TAFA4: variants seen among roughly 807,000 people sequenced by gnomAD.
The protein encoded by TAFA4 is chemokine-like protein TAFA-4.
In TAFA4, 20 loss-of-function variants were observed where a neutral mutation model predicts 21.1. The ratio of observed to expected loss-of-function variants is 0.95; its 90% CI spans 0.67 to 1.38. TAFA4 has a LOEUF of 1.38. TAFA4 is among the 40% of genes most tolerant of loss of function. TAFA4 has a pLI of 0.00. For missense variants in TAFA4, 211 were observed against 180.9 expected (o/e 1.17, Z -0.95); for synonymous variants, 71 against 67.4 (o/e 1.05, Z -0.26).
chr3:68,739,828 C>T (rs1037324400), intron 4 of TAFA4, among the ~76,000 whole-genome samples: 1 of 152,056 alleles, frequency 6.6e-6, no homozygotes, highest in Non-Finnish European at 1.5e-5. Context: ...ATAATGTGTA[C>T]ACAGAGACAT....
At chr3:68,922,658 T>C (rs1015314979) in intron 1 of TAFA4, among the ~76,000 whole-genome samples, 9 of 152,228 alleles carry the variant, frequency 5.9e-5, no homozygotes, top group South Asian at 2.1e-4. Context: ...ATCCTGAGTC[T>C]TTTGTAGATG....
At chr3:68,785,117 A>G (rs979631384) in intron 3 of TAFA4, among the ~76,000 whole-genome samples, 4 of 152,202 alleles carry the variant, frequency 2.6e-5, no homozygotes, top group Non-Finnish European at 2.9e-5. Flanking sequence ...ACCCTGAGCT[A>G]GACACAGGGT....
intron 3 of TAFA4, among the ~76,000 whole-genome samples, chr3:68,831,462 A>T (rs1027785888): frequency 1.3e-5 from 2 of 152,126 alleles, no homozygotes; most frequent in Non-Finnish European, 2.9e-5. Context: ...GTTTGGCTGG[A>T]TGTGAAATTC....
chr3:68,916,067 T>C (rs903586117), intron 1 of TAFA4: 2 of 152,212 alleles, frequency 1.3e-5, no homozygotes, highest in African/African-American at 4.8e-5. Flanking sequence ...GTAAATACCT[T>C]ACAATTGTGA....
chr3:68,775,217 T>C (rs1435910212), intron 3 of TAFA4, among the ~76,000 whole-genome samples: 1 of 152,182 alleles, frequency 6.6e-6, no homozygotes, highest in Non-Finnish European at 1.5e-5. Flanking sequence ...GTACTCACTC[T>C]TTTCCAATTT....
In TAFA4 at chr3:68,732,577, C is replaced by T. The variant is rs1445606551; in HGVS notation, c.*565G>A. The stretch of plus-strand genomic sequence containing the variant: ...AAAATACAATGCACACACAATAATC[C>T]AACTATGTCCTTCTATTCTTCAAGG... On this transcript the variant is annotated 3_prime_UTR_variant, in exon 6 of 6. Transcript: ENST00000295569. The T allele has an allele frequency of 1.3e-5, 2 of 152,476 alleles. No homozygotes were observed. The highest frequency in any genetic ancestry group is 4.8e-5 in the African/African-American group (2 of 41,394). The allele number at this position is 152,476 out of a possible 1,614,324, so 9.4% of individuals were successfully genotyped here.
chr3:68,924,541 T>C (rs1391559463), intron 1 of TAFA4, among the ~76,000 whole-genome samples: 1 of 152,216 alleles, frequency 6.6e-6, no homozygotes, highest in Non-Finnish European at 1.5e-5. Flanking sequence ...AAAAAGGTTC[T>C]GTGGATGGAA....
chr3:68,878,521 C>T (rs1324668788), intron 3 of TAFA4, among the ~76,000 whole-genome samples: 1 of 152,098 alleles, frequency 6.6e-6, no homozygotes, highest in Admixed American at 6.6e-5. Flanking sequence ...TTGCTACCCT[C>T]TTGTGGGGAA....
intron 3 of TAFA4, among the ~76,000 whole-genome samples, chr3:68,873,333 G>GACAGACACACACACACACACACACAC (rs1348018956): frequency 2.1e-5 from 1 of 46,922 alleles, no homozygotes; most frequent in African/African-American, 6.4e-5. Context: ...GACACACGCA[G>GACAGACACACACACACACACACACAC]ACATACACAC....
At chr3:68,823,368 C>G (rs1704154565) in intron 3 of TAFA4, among the ~76,000 whole-genome samples, 1 of 152,144 alleles carries the variant, frequency 6.6e-6, no homozygotes, top group Admixed American at 6.5e-5. Flanking sequence ...TCAGTTATTG[C>G]AGATATGTTG....
chr3:68,880,663 A>T lies in TAFA4; in HGVS notation c.130+67T>A, dbSNP rs1034164269. ...CTCACATCAGTTATCTGTGTCTAAAATGTGGACTCTGACATTTGGAGGGGT... is the reference window on the plus strand; with the variant it reads ...CTCACATCAGTTATCTGTGTCTAAATTGTGGACTCTGACATTTGGAGGGGT... On this transcript the variant is annotated intron_variant, in intron 3 of 5. Coordinates refer to ENST00000295569, the MANE Select transcript of TAFA4 (RefSeq NM_182522.5). The T allele has an allele frequency of 4.2e-5, 55 of 1,325,006 alleles. 2 individuals are homozygous for T. The highest frequency in any genetic ancestry group is 1.5e-5 in the Non-Finnish European group (14 of 920,260). The allele number at this position is 1,325,006 out of a possible 1,614,324, so 82.1% of individuals were successfully genotyped here. A position where few individuals can be genotyped will look rare whatever the true frequency, so the allele number is the denominator to read the frequency against.
chr3:68,733,742 G>GA (rs1046505612), intron 5 of TAFA4, among the ~76,000 whole-genome samples: 3 of 151,590 alleles, frequency 2.0e-5, no homozygotes, highest in African/African-American at 2.4e-5. Flanking sequence ...AGCACAGGTG[G>GA]AAAAAAAAGC....
rs112445960 is a variant in TAFA4, at chr3:68,820,495, G to C, written c.130+60235C>G. Among the ~76,000 whole-genome samples, 210 of 152,030 alleles carry C rather than the reference G, an allele frequency of 1.4e-3. 1 individual carries two copies. The highest frequency in any genetic ancestry group is 9.9e-3 in the East Asian group (51 of 5,170). On this transcript the variant is annotated intron_variant, in intron 3 of 5. Coordinates refer to ENST00000295569, the MANE Select transcript of TAFA4 (RefSeq NM_182522.5). Reference sequence around the variant, plus strand: ...GTTTGAGAGCAGCCTGAACAACATAGTGAAACCTCATCCTACCAAAAAAAA... The same window carrying C: ...GTTTGAGAGCAGCCTGAACAACATACTGAAACCTCATCCTACCAAAAAAAA...
At chr3:68,757,195 T>C (rs150912346) in intron 3 of TAFA4, among the ~76,000 whole-genome samples, 273 of 152,188 alleles carry the variant, frequency 1.8e-3, no homozygotes, top group African/African-American at 6.2e-3. Context: ...GCCTGTTCAA[T>C]TCTTGGTGAG....
At chr3:68,852,442 A>G (rs1173014722) in intron 3 of TAFA4, among the ~76,000 whole-genome samples, 3 of 152,156 alleles carry the variant, frequency 2.0e-5, no homozygotes, top group African/African-American at 7.2e-5. Context: ...ATAAAAGTCC[A>G]CCAAATTCCA....
intron 1 of TAFA4, among the ~76,000 whole-genome samples, chr3:68,925,185 T>G (rs995216608): frequency 2.0e-5 from 3 of 152,102 alleles, no homozygotes; most frequent in African/African-American, 7.2e-5. Context: ...CTCTTTTGAT[T>G]TGGGTCCATG....
chr3:68,799,676 G>A (rs1243353877), intron 3 of TAFA4, among the ~76,000 whole-genome samples: 6 of 152,158 alleles, frequency 3.9e-5, no homozygotes, highest in African/African-American at 1.4e-4. Flanking sequence ...GAAGCAGAAG[G>A]AGAAAAGGCA....
At chr3:68,871,510 T>C (rs187617868) in intron 3 of TAFA4, among the ~76,000 whole-genome samples, 45 of 152,244 alleles carry the variant, frequency 3.0e-4, no homozygotes, top group African/African-American at 9.9e-4. Context: ...CTTCAAGACA[T>C]TGGTCCGGGC....
At chr3:68,772,723 G>A (rs1575602785) in intron 3 of TAFA4, among the ~76,000 whole-genome samples, 1 of 152,156 alleles carries the variant, frequency 6.6e-6, no homozygotes, top group Non-Finnish European at 1.5e-5. Context: ...AGGGGAGCTG[G>A]ACTTGGACTG....
Sources: allele counts gnomAD v4.1 joint callset (sites outside exome capture counted in the v4.1 genomes callset), GRCh38; gene constraint gnomAD v4.1.1; transcripts MANE v1.5; gene names NCBI Gene and HGNC (gene_info 2026-07-23, HGNC 2026-07-21).